The following CYTH3 variants were observed in gnomAD, a reference collection of about 807,000 sequenced individuals.
CYTH3 encodes the protein cytohesin 3, also known as cytohesin-3.
A neutral mutation model predicts 55.1 loss-of-function variants in CYTH3; 23 were observed. The ratio of observed to expected loss-of-function variants is 0.42; its 90% CI spans 0.30 to 0.59. The LOEUF (loss-of-function observed/expected upper bound fraction) is 0.59, where lower values mean the gene tolerates loss of function less well. Among genes scored for constraint, CYTH3 ranks in the 20% least tolerant of loss-of-function variants. CYTH3 has a pLI of 0.20. For missense variants in CYTH3, 413 were observed against 524.8 expected (o/e 0.79, Z 2.08); for synonymous variants, 249 against 194.9 (o/e 1.28, Z -2.31).
chr7:6,217,974 G>A (rs1022261559), intron 1 of CYTH3, among the ~76,000 whole-genome samples: 1 of 152,072 alleles, frequency 6.6e-6, no homozygotes, highest in African/African-American at 2.4e-5. Flanking sequence ...CTTGAGCTCT[G>A]GAGTTCAAGT....
chr7:6,176,575 T>C (rs191273123), intron 5 of CYTH3, among the ~76,000 whole-genome samples: 59 of 152,340 alleles, frequency 3.9e-4, no homozygotes, highest in Middle Eastern at 3.4e-3. Flanking sequence ...GAGTTTTGTA[T>C]ATTAATTGTA....
chr7:6,186,053 G>T (rs1180979773), intron 4 of CYTH3, among the ~76,000 whole-genome samples: 1 of 151,708 alleles, frequency 6.6e-6, no homozygotes, highest in Non-Finnish European at 1.5e-5. Context: ...GACCATCCTG[G>T]CTAACACAGT....
chr7:6,225,999 A>T (rs1562397928), intron 1 of CYTH3, among the ~76,000 whole-genome samples: 2 of 152,174 alleles, frequency 1.3e-5, no homozygotes, highest in Non-Finnish European at 2.9e-5. Context: ...AATTTTTTTA[A>T]AAACAAACAA....
intron 2 of CYTH3, among the ~76,000 whole-genome samples, chr7:6,189,605 G>C (rs932139075): frequency 6.6e-6 from 1 of 151,964 alleles, no homozygotes; most frequent in Non-Finnish European, 1.5e-5. Context: ...CGCTGTGCCC[G>C]GCCTAATGTG....
At chr7:6,259,790 TATATATATATA>T (rs1780272134) in intron 1 of CYTH3, among the ~76,000 whole-genome samples, 2 of 14,994 alleles carry the variant, frequency 1.3e-4, no homozygotes, top group Non-Finnish European at 1.7e-4. Flanking sequence ...ATATAATATA[TATATATATATA>T]TATATATATA....
intron 1 of CYTH3, among the ~76,000 whole-genome samples, chr7:6,196,428 T>C (rs984277014): frequency 2.2e-4 from 34 of 151,376 alleles, no homozygotes; most frequent in African/African-American, 7.5e-4. Context: ...CTCTTACGCA[T>C]CTGAGGGAGC....
chr7:6,266,956 T>C (rs1780509094), intron 1 of CYTH3, among the ~76,000 whole-genome samples: 2 of 152,220 alleles, frequency 1.3e-5, no homozygotes, highest in Admixed American at 6.5e-5. Context: ...TAATCCCCAA[T>C]GCTGGAGGCA....
intron 1 of CYTH3, among the ~76,000 whole-genome samples, chr7:6,228,037 T>G (rs1438496239): frequency 6.6e-6 from 1 of 152,224 alleles, no homozygotes; most frequent in Non-Finnish European, 1.5e-5. Flanking sequence ...TAAAAAGTAT[T>G]TAATAATGAA....
At chr7:6,268,634 T>A (rs990850437) in intron 1 of CYTH3, among the ~76,000 whole-genome samples, 2 of 152,208 alleles carry the variant, frequency 1.3e-5, no homozygotes, top group East Asian at 3.8e-4. Flanking sequence ...AATAATCTTG[T>A]ACCTATGTTA....
intron 2 of CYTH3, among the ~76,000 whole-genome samples, chr7:6,189,433 CGAGT>C (rs1562887448): frequency 6.6e-6 from 1 of 152,034 alleles, no homozygotes; most frequent in African/African-American, 2.4e-5. Context: ...CTCAGCCTCC[CGAGT>C]ATCTGGGACT....
chr7:6,247,269 T>C (rs528407604), intron 1 of CYTH3, among the ~76,000 whole-genome samples: 4 of 152,250 alleles, frequency 2.6e-5, no homozygotes, highest in South Asian at 2.1e-4. Flanking sequence ...GGCAATGTTA[T>C]AGAAAAGTCT....
At chr7:6,195,216 T>G (rs2128545299) in intron 1 of CYTH3, among the ~76,000 whole-genome samples, 1 of 152,238 alleles carries the variant, frequency 6.6e-6, no homozygotes, top group South Asian at 2.1e-4. Context: ...ATGTTTTCAT[T>G]ACGATATAAA....
At chr7:6,192,294 T>C in intron 1 of CYTH3, among the ~76,000 whole-genome samples, 1 of 152,062 alleles carries the variant, frequency 6.6e-6, no homozygotes, top group East Asian at 1.9e-4. Context: ...AATGGCTCAC[T>C]GTAGCCTTGA....
At chr7:6,179,650 C>A (rs1251960078) in intron 4 of CYTH3, among the ~76,000 whole-genome samples, 6 of 119,384 alleles carry the variant, frequency 5.0e-5, no homozygotes, top group Non-Finnish European at 1.1e-4. Flanking sequence ...ACACACCCCA[C>A]ACCCCACACA....
intron 1 of CYTH3, among the ~76,000 whole-genome samples, chr7:6,243,203 T>G (rs931069044): frequency 3.3e-5 from 5 of 152,138 alleles, no homozygotes; most frequent in Admixed American, 6.5e-5. Flanking sequence ...GCTTCTCACC[T>G]CCAGGCATAA....
rs112472470 is a variant in CYTH3, at chr7:6,220,061, A to AT, written c.35-29531dup. Reference sequence around the variant, plus strand: ...ACCACCACACCCAGCTAATTTTTGTATTTTTTTTTTGGTAGAGACGGGGTT... The same window carrying AT: ...ACCACCACACCCAGCTAATTTTTGTATTTTTTTTTTTGGTAGAGACGGGGTT... On this transcript the variant is annotated intron_variant, in intron 1 of 12. Transcript: ENST00000350796. Among the ~76,000 whole-genome samples the AT allele has an allele frequency of 1.6e-3, 242 of 148,662 alleles. 2 individuals carry two copies. Among genetic ancestry groups the AT allele is most frequent in the South Asian group, 0.012 (58 of 4,678 alleles).
intron 1 of CYTH3, among the ~76,000 whole-genome samples, chr7:6,248,420 G>A (rs1380129557): frequency 6.6e-6 from 1 of 152,136 alleles, no homozygotes; most frequent in Non-Finnish European, 1.5e-5. Flanking sequence ...AGCTCTGGGA[G>A]CCTCCTTCTC....
At chr7:6,190,607 GC>G in intron 1 of CYTH3, 76 bp from the exon 2 acceptor site, 1 of 1,147,580 alleles carries the variant, frequency 8.7e-7, no homozygotes, top group Non-Finnish European at 1.2e-6. Flanking sequence ...GTGGGTACAT[GC>G]TGCCACCCAG....
intron 1 of CYTH3, among the ~76,000 whole-genome samples, chr7:6,204,520 C>G: frequency 6.6e-6 from 1 of 152,194 alleles, no homozygotes; most frequent in East Asian, 1.9e-4. Flanking sequence ...TCTGCAACAG[C>G]TTTCTATCTA....
Sources: allele counts gnomAD v4.1 joint callset (sites outside exome capture counted in the v4.1 genomes callset), GRCh38; gene constraint gnomAD v4.1.1; transcripts MANE v1.5; gene names NCBI Gene and HGNC (gene_info 2026-07-23, HGNC 2026-07-21).